The following SLC12A3 variants were observed in gnomAD, a reference collection of about 807,000 sequenced individuals.
SLC12A3 encodes the protein solute carrier family 12 member 3.
A neutral mutation model predicts 121.0 loss-of-function variants in SLC12A3; 104 were observed. The ratio of observed to expected loss-of-function variants is 0.86; its 90% confidence interval spans 0.73 to 1.01. The LOEUF is 1.01. SLC12A3 is among the 50% of genes least tolerant of loss of function. The pLI is 0.00. For synonymous variants in SLC12A3, 536 were observed against 533.4 expected, an observed-to-expected ratio of 1.00 and a Z score of -0.07; for missense variants, 1,328 against 1,356.3, an observed-to-expected ratio of 0.98 and a Z score of 0.33.
At chr16:56,900,921 C>T (rs1037806428) in intron 23 of SLC12A3, among the ~76,000 whole-genome samples, 2 of 152,174 alleles carry the variant, frequency 1.3e-5, no homozygotes, top group African/African-American at 4.8e-5. Context: ...AGCCAGACTT[C>T]AAGATGTTTG....
chr16:56,888,774 G>A (rs1386979558), intron 18 of SLC12A3, among the ~76,000 whole-genome samples: 4 of 151,988 alleles, frequency 2.6e-5, no homozygotes, highest in African/African-American at 9.7e-5. Context: ...TAGCCAGGAT[G>A]GTCTCGATCT....
At chr16:56,898,210 G>C (rs368547610) in intron 22 of SLC12A3, among the ~76,000 whole-genome samples, 23 of 152,280 alleles carry the variant, frequency 1.5e-4, no homozygotes, top group East Asian at 9.6e-4. Context: ...CAAGGGGTTG[G>C]GGGGAGGGCC....
intron 13 of SLC12A3, among the ~76,000 whole-genome samples, chr16:56,883,288 T>C (rs1297071676): frequency 1.3e-5 from 2 of 148,974 alleles, no homozygotes; most frequent in Non-Finnish European, 3.0e-5. Context: ...TCTTTTTTTT[T>C]TTTTTTTTTT....
intron 24 of SLC12A3, chr16:56,904,143 G>T: frequency 2.2e-6 from 1 of 454,666 alleles, no homozygotes; most frequent in South Asian, 2.0e-5. Context: ...CCTCTACCCT[G>T]CTGGTTATGG....
At chr16:56,902,977 C>G (rs1230997587) in intron 24 of SLC12A3, among the ~76,000 whole-genome samples, 1 of 152,054 alleles carries the variant, frequency 6.6e-6, no homozygotes, top group Non-Finnish European at 1.5e-5. Context: ...GAGACCCCAT[C>G]TCTACTAAAA....
chr16:56,872,609 G>A, intron 7 of SLC12A3, 47 bp from the exon 8 acceptor site: 2 of 1,613,970 alleles, frequency 1.2e-6, no homozygotes, highest in South Asian at 1.1e-5. Flanking sequence ...AGCAAGGGGG[G>A]TCAAGCCCTC....
At chr16:56,904,282 T>C (rs1398468596) in intron 24 of SLC12A3, 113 bp from the exon 25 acceptor site, 1 of 1,000,922 alleles carries the variant, frequency 1.0e-6, no homozygotes, top group Non-Finnish European at 1.6e-6. Context: ...GGCAGCAGAG[T>C]CTACAAGTAA....
intron 8 of SLC12A3, among the ~76,000 whole-genome samples, chr16:56,873,341 T>A (rs952230806): frequency 4.6e-5 from 7 of 151,888 alleles, no homozygotes; most frequent in Non-Finnish European, 8.8e-5. Flanking sequence ...CTTGCTTTTT[T>A]ACCCTGAAAG....
Position 56,870,136 on chromosome 16 carries a change from G to C in SLC12A3, c.642G>C (p.Glu214Asp), listed in dbSNP as rs2055072086. The C allele has an allele frequency of 6.2e-7, 1 of 1,613,884 alleles. No homozygotes were observed. Among genetic ancestry groups the C allele is most frequent in the Non-Finnish European group, 8.5e-7 (1 of 1,180,056 alleles). Residue 214 changes from glutamate (E) to aspartate (D), a missense_variant, in exon 5 of 26, where the codon GAG becomes GAC. Coordinates refer to ENST00000563236, the MANE Select transcript of SLC12A3 (RefSeq NM_001126108.2). Reference sequence around the variant, plus strand: ...TCATCTCCCGGAGTCTGGGCCCAGAGCTTGGGGGCTCCATCGGCCTCATTT... The same window carrying C: ...TCATCTCCCGGAGTCTGGGCCCAGACCTTGGGGGCTCCATCGGCCTCATTT... ...YFLISRSLGP[E>D]LGGSIGLIFA... is the part of the protein sequence containing the mutation.
rs140798236 is a variant in SLC12A3, at chr16:56,885,526, C to G, written c.1925+162C>G. ...ACATGGAGGAGCCACCCAGCCACCA[C>G]AAGACAGGGGTGGACATATCCTGAT... On this transcript the variant is annotated intron_variant, in intron 15 of 25. Coordinates refer to ENST00000563236, the MANE Select transcript of SLC12A3 (RefSeq NM_001126108.2). Among the ~76,000 whole-genome samples the G allele has an allele frequency of 2.4e-3, 365 of 152,294 alleles. 1 individual carries two copies. Among genetic ancestry groups the G allele is most frequent in the South Asian group, 6.4e-3 (31 of 4,822 alleles).
chr16:56,888,483 G>A lies in SLC12A3; in HGVS notation c.2285+452G>A, dbSNP rs556572798. Among the ~76,000 whole-genome samples the A allele has an allele frequency of 2.4e-4, 36 of 151,772 alleles. 2 individuals are homozygous for A. The highest frequency in any genetic ancestry group is 2.2e-3 in the Admixed American group (33 of 15,212). Reference sequence around the variant, plus strand: ...AGAGAGAGTGGCTCCTACTTGGCTCGTGTCCATGCAGAATGGGCTCTAGTG... The same window carrying A: ...AGAGAGAGTGGCTCCTACTTGGCTCATGTCCATGCAGAATGGGCTCTAGTG... On this transcript the variant is annotated intron_variant, in intron 18 of 25. Transcript: ENST00000563236.
chr16:56,884,224 G>A lies in SLC12A3; in HGVS notation c.1825+20G>A. On this transcript the variant is annotated intron_variant, in intron 14 of 25. Coordinates refer to ENST00000563236, the MANE Select transcript of SLC12A3 (RefSeq NM_001126108.2). ...AGCCAGGTGCGCATCTCAGCTGCGG[G>A]GCCTCGGCCCTCCTCCCCCAGGGTA... The A allele has an allele frequency of 6.2e-7, 1 of 1,613,480 alleles. No individual in the cohort carries two copies. The highest frequency in any genetic ancestry group is 1.1e-5 in the South Asian group (1 of 91,076).
chr16:56,892,892 G>T, intron 20 of SLC12A3, 61 bp from the exon 21 acceptor site: 1 of 1,416,082 alleles, frequency 7.1e-7, no homozygotes, highest in Non-Finnish European at 9.9e-7. Context: ...GGGGCCCTGG[G>T]CCAGGCCTGC....
At chr16:56,886,262 G>A (rs1243471897) in intron 15 of SLC12A3, 102 bp from the exon 16 acceptor site, 4 of 801,730 alleles carry the variant, frequency 5.0e-6, no homozygotes, top group African/African-American at 3.4e-5. Flanking sequence ...GGTCATGCTG[G>A]TGGCCACACC....
chr16:56,882,514 C>T lies in SLC12A3; in HGVS notation c.1669+17C>T. 6.2e-7 allele frequency: 1 copy of T among 1,600,926 alleles called. No individual in the cohort carries two copies. The highest frequency in any genetic ancestry group is 8.6e-7 in the Non-Finnish European group (1 of 1,167,966). On this transcript the variant is annotated intron_variant, in intron 13 of 25. Transcript: ENST00000563236. Reference sequence around the variant, plus strand: ...ACTCGCCTGGTAAGCAAACCCTTCACCCACCTCAGGAGGAGGCACCCAGGG... The same window carrying T: ...ACTCGCCTGGTAAGCAAACCCTTCATCCACCTCAGGAGGAGGCACCCAGGG...
Position 56,878,776 on chromosome 16 carries a change from G to A in SLC12A3, c.1181-297G>A, listed in dbSNP as rs564138572. On this transcript the variant is annotated intron_variant, in intron 9 of 25. Transcript: ENST00000563236. ...GACTTGGTCCAGCTCACAGCCACTCGAGGCTTGAGATCCAGGTCTCCGATC... is the reference window on the plus strand; with the variant it reads ...GACTTGGTCCAGCTCACAGCCACTCAAGGCTTGAGATCCAGGTCTCCGATC... Among the ~76,000 whole-genome samples, 115 of 152,260 alleles carry A rather than the reference G, an allele frequency of 7.6e-4. 2 individuals are homozygous for A. The highest frequency in any genetic ancestry group is 2.7e-3 in the African/African-American group (114 of 41,548).
intron 25 of SLC12A3, chr16:56,906,768 T>A (rs1423062565): frequency 2.6e-6 from 2 of 762,144 alleles, no homozygotes; most frequent in East Asian, 5.7e-5. Flanking sequence ...TTATGATTCC[T>A]TGGATTATGC....
intron 19 of SLC12A3, 132 bp from the exon 20 acceptor site, chr16:56,891,951 G>A: frequency 1.3e-6 from 1 of 759,538 alleles, no homozygotes; most frequent in Non-Finnish European, 2.4e-6. Flanking sequence ...AAGGCCAGGT[G>A]CAGTGGGGCT....
In SLC12A3 at chr16:56,870,221, C is replaced by G; in HGVS notation, c.727C>G (p.Arg243Gly). The G allele has an allele frequency of 2.5e-6, 4 of 1,613,488 alleles. No individual in the cohort carries two copies. Among genetic ancestry groups the G allele is most frequent in the Non-Finnish European group, 3.4e-6 (4 of 1,180,010 alleles). Residue 243 changes from arginine to glycine, a missense_variant, in exon 5 of 26, where the codon CGG becomes GGG. Transcript: ENST00000563236. Reference protein sequence around the residue: ...MHTVGFAETVRDLLQEYGAPI... With the variant: ...MHTVGFAETVGDLLQEYGAPI... ...CACGGTGGGCTTTGCAGAGACCGTG[C>G]GGGACCTGCTCCAGGTGAGGCCGGG...
Sources: gnomAD v4.1 joint callset for allele counts (sites outside exome capture counted in the v4.1 genomes callset) on GRCh38, gnomAD v4.1.1 for gene constraint, MANE v1.5 for transcripts, NCBI Gene and HGNC (gene_info 2026-07-23, HGNC 2026-07-21) for gene names.